WDR3: variants seen among roughly 807,000 people sequenced by gnomAD.
The protein encoded by WDR3 is WD repeat-containing protein 3.
In WDR3, 81 loss-of-function variants were observed where a neutral mutation model predicts 123.7. That is an observed-to-expected ratio of 0.65 (90% confidence interval 0.55 to 0.79). The LOEUF is 0.79. Among genes scored for constraint, WDR3 ranks in the 30% least tolerant of loss-of-function variants. WDR3 has a pLI of 0.00. For synonymous variants in WDR3, 390 were observed against 388.8 expected, an observed-to-expected ratio of 1.00 and a Z score of -0.04; for missense variants, 1,027 against 1,123.2, an observed-to-expected ratio of 0.91 and a Z score of 1.22.
chr1:117,963,513 G>A lies in WDR3; in HGVS notation c.*4066G>A, dbSNP rs148132498. ...AGAGTAGCTGGGACTACAGGCACCC[G>A]CCACCACACTTGGCTGATTTTTTCT... is the stretch of plus-strand genomic sequence containing the variant. On this transcript the variant is annotated 3_prime_UTR_variant, in exon 27 of 27. Transcript: ENST00000349139. 5.8e-3 allele frequency: 1,038 copies of A among 179,596 alleles called. 11 individuals carry two copies. Among genetic ancestry groups the A allele is most frequent in the African/African-American group, 0.022 (951 of 42,702 alleles). 11.1% of individuals were successfully genotyped at this position (179,596 alleles called of 1,614,324 possible).
At chr1:117,951,403 G>A (rs1444627225) in intron 16 of WDR3, among the ~76,000 whole-genome samples, 9 of 145,342 alleles carry the variant, frequency 6.2e-5, no homozygotes, top group East Asian at 4.0e-4. Flanking sequence ...GTGAGACTCC[G>A]TCTCAAAAAA....
intron 8 of WDR3, 102 bp from the exon 9 acceptor site, chr1:117,941,648 A>G: frequency 2.1e-6 from 3 of 1,415,882 alleles, no homozygotes. Flanking sequence ...TAATACAACT[A>G]CTAAGGGAAG....
intron 25 of WDR3, among the ~76,000 whole-genome samples, chr1:117,957,860 A>C (rs1652445331): frequency 6.6e-6 from 1 of 152,232 alleles, no homozygotes; most frequent in African/African-American, 2.4e-5. Flanking sequence ...ACATTTTAAG[A>C]AAGTCAGTTT....
Position 117,964,007 on chromosome 1 carries a change from T to C in WDR3, c.*4560T>C. ...TTGCATATATAAACCTAAATAACAT[T>C]TTAGAATCATAGAATTTCTTCTCTG... is the stretch of plus-strand genomic sequence containing the variant. On this transcript the variant is annotated 3_prime_UTR_variant, in exon 27 of 27. Transcript: ENST00000349139. The C allele has an allele frequency of 1.3e-6, 2 of 1,507,910 alleles. No individual in the cohort carries two copies. The highest frequency in any genetic ancestry group is 1.8e-6 in the Non-Finnish European group (2 of 1,114,226). 93.4% of individuals were successfully genotyped at this position (1,507,910 alleles called of 1,614,324 possible).
chr1:117,947,189 A>G (rs1444843609), intron 12 of WDR3, among the ~76,000 whole-genome samples: 1 of 152,154 alleles, frequency 6.6e-6, no homozygotes, highest in Non-Finnish European at 1.5e-5. Context: ...TAGCAGAGAA[A>G]CTAGCCTGCA....
At position 117,953,394 on chromosome 1, in the gene WDR3, T is replaced by C. The variant is rs939126058; in HGVS notation, c.2203-82T>C. 35 of 1,331,288 alleles carry C rather than the reference T, an allele frequency of 2.6e-5. No individual in the cohort carries two copies. The Admixed American group carries it at 6.4e-4, about 24-fold the overall frequency. 82.5% of individuals were successfully genotyped at this position (1,331,288 alleles called of 1,614,324 possible). ...TTTCATAAAATAATAATAGCTGTTC[T>C]CATATGGATGTAAGATTAATTTATC... On this transcript the variant is annotated intron_variant, in intron 20 of 26. Transcript: ENST00000349139.
intron 19 of WDR3, 103 bp from the exon 20 acceptor site, chr1:117,952,843 G>T: frequency 6.9e-7 from 1 of 1,450,584 alleles, no homozygotes. Context: ...GATGCCATTA[G>T]GGTATTATGT....
In WDR3 at chr1:117,941,196, G is replaced by T. The variant is rs1449083818; in HGVS notation, c.862G>T (p.Asp288Tyr). 1 of 1,614,038 alleles carries T rather than the reference G, an allele frequency of 6.2e-7. No homozygotes were observed. The highest frequency in any genetic ancestry group is 8.5e-7 in the Non-Finnish European group (1 of 1,179,992). The change falls in exon 8 of 27, where the codon GAC becomes TAC. Residue 288 changes from aspartate (D) to tyrosine (Y), a missense_variant. Transcript: ENST00000349139. ...AGACAGAGTTGTAAACCTTGCAGTC[G>T]ACAAGACAGGCAGGATTCTTGCTTG... ...GRDRVVNLAV[D>Y]KTGRILACHG...
intron 14 of WDR3, 68 bp downstream of exon 14, chr1:117,949,904 G>A (rs2295629): frequency 0.064 from 102,619 of 1,609,050 alleles, 9,752 homozygotes; most frequent in African/African-American, 0.34. Flanking sequence ...GCCTTTTGAC[G>A]TCTTATATCA....
At chr1:117,930,901 A>G (rs1343483606) in intron 1 of WDR3, among the ~76,000 whole-genome samples, 5 of 152,194 alleles carry the variant, frequency 3.3e-5, no homozygotes, top group Non-Finnish European at 7.3e-5. Context: ...CCTTGTCTGT[A>G]AAATAGAGAT....
At chr1:117,937,126 G>A (rs3765501) in intron 4 of WDR3, among the ~76,000 whole-genome samples, 72,716 of 151,646 alleles carry the variant, frequency 0.48, 17,590 homozygotes, top group South Asian at 0.63. Context: ...CAGTTTTTCT[G>A]TGTTTCTTAG....
chr1:117,938,832 A>G (rs891915149), intron 5 of WDR3, among the ~76,000 whole-genome samples: 1 of 152,196 alleles, frequency 6.6e-6, no homozygotes, highest in African/African-American at 2.4e-5. Context: ...TTATGAATGT[A>G]GGGAAGTTTA....
In WDR3 at chr1:117,961,429, T is replaced by C. The variant is rs1653086403; in HGVS notation, c.*1982T>C. 6.6e-6 allele frequency: 1 copy of C among 152,250 alleles called. No individual in the cohort carries two copies. Among genetic ancestry groups the C allele is most frequent in the African/African-American group, 2.4e-5 (1 of 41,468 alleles). 9.4% of individuals were successfully genotyped at this position (152,250 alleles called of 1,614,324 possible). ...AGATATTGACAGATACCTCTGGGTC[T>C]GGGCTTTTCTTTTGGGGAAGTTTAT... On this transcript the variant is annotated 3_prime_UTR_variant, in exon 27 of 27. Transcript: ENST00000349139.
In WDR3 at chr1:117,963,686, C is replaced by T; in HGVS notation, c.*4239C>T. ...GCCTAAACAAATATTTTCATTCATT[C>T]AGGCCAGGTGGCTTATAGGTTTCTG... On this transcript the variant is annotated 3_prime_UTR_variant, in exon 27 of 27. Coordinates refer to ENST00000349139, the MANE Select transcript of WDR3 (RefSeq NM_006784.3). 1 of 988,242 alleles carries T rather than the reference C, an allele frequency of 1.0e-6. No homozygotes were observed. The highest frequency in any genetic ancestry group is 1.9e-5 in the South Asian group (1 of 52,386). The allele number at this position is 988,242 out of a possible 1,614,324, so 61.2% of individuals were successfully genotyped here. A position where few individuals can be genotyped will look rare whatever the true frequency, so the allele number is the denominator to read the frequency against.
Position 117,941,115 on chromosome 1 carries a change from C to A in WDR3, c.790-9C>A, listed in dbSNP as rs751823014. ...ATCTAACCTTCATCTGCTCTTGCTT[C>A]TTCTGTAGCGAATCCTTTCATGCAG... On this transcript the variant is annotated splice_polypyrimidine_tract_variant and intron_variant, in intron 7 of 26. Coordinates refer to ENST00000349139, the MANE Select transcript of WDR3 (RefSeq NM_006784.3). 4 of 1,613,964 alleles carry A rather than the reference C, an allele frequency of 2.5e-6. No individual in the cohort carries two copies. In the East Asian group the frequency reaches 6.7e-5, roughly 27 times the overall value.
At chr1:117,957,024 C>T (rs368942798) in intron 24 of WDR3, 44 bp from the exon 25 acceptor site, 76 of 1,492,144 alleles carry the variant, frequency 5.1e-5, no homozygotes, top group African/African-American at 1.3e-4. Context: ...ATGTTAACAA[C>T]GTTAACAAAT....
chr1:117,956,996 A>G (rs930409754), intron 24 of WDR3, 72 bp from the exon 25 acceptor site: 6 of 1,314,792 alleles, frequency 4.6e-6, no homozygotes, highest in Non-Finnish European at 6.1e-6. Flanking sequence ...AATAAAGGGA[A>G]GGATTTAAAA....
chr1:117,931,463 A>G (rs1374906519), intron 1 of WDR3, among the ~76,000 whole-genome samples: 1 of 152,260 alleles, frequency 6.6e-6, no homozygotes, highest in Non-Finnish European at 1.5e-5. Context: ...ATTGTGTCTT[A>G]GTGTCAGAAG....
At chr1:117,931,225 C>G (rs1443288413) in intron 1 of WDR3, among the ~76,000 whole-genome samples, 1 of 152,182 alleles carries the variant, frequency 6.6e-6, no homozygotes, top group East Asian at 1.9e-4. Flanking sequence ...ATACCAGGTC[C>G]TTATGGATAA....
Sources: gnomAD v4.1 joint callset for allele counts (sites outside exome capture counted in the v4.1 genomes callset) on GRCh38, gnomAD v4.1.1 for gene constraint, MANE v1.5 for transcripts, NCBI Gene and HGNC (gene_info 2026-07-23, HGNC 2026-07-21) for gene names.